The following NPAS3 variants were observed in gnomAD, a reference collection of about 807,000 sequenced individuals.
NPAS3 encodes the protein neuronal PAS domain protein 3.
A neutral mutation model predicts 73.1 loss-of-function variants in NPAS3; 14 were observed. The observed-to-expected ratio is 0.19, with a 90% CI of 0.13 to 0.30. The LOEUF is 0.30. Ranked by LOEUF, NPAS3 falls within the 10% of genes least tolerant of loss-of-function variation. The pLI, the probability that NPAS3 is intolerant of heterozygous loss-of-function variation, is 1.00. For missense variants in NPAS3, 1,096 were observed against 1,250.0 expected (o/e 0.88, Z 1.86); for synonymous variants, 620 against 541.5 (o/e 1.14, Z -2.01).
At chr14:33,114,810 G>A (rs1249779216) in intron 2 of NPAS3, among the ~76,000 whole-genome samples, 2 of 152,150 alleles carry the variant, frequency 1.3e-5, no homozygotes, top group Admixed American at 6.5e-5. Context: ...AGCTTCTAAT[G>A]TAAAAGAAGT....
intron 2 of NPAS3, among the ~76,000 whole-genome samples, chr14:33,147,576 C>T: frequency 6.8e-6 from 1 of 146,608 alleles, no homozygotes; most frequent in Admixed American, 6.9e-5. Flanking sequence ...CACACCGGGG[C>T]CTGTTGTGGG....
chr14:33,234,717 G>A (rs985298359), intron 3 of NPAS3, among the ~76,000 whole-genome samples: 2 of 151,952 alleles, frequency 1.3e-5, no homozygotes, highest in African/African-American at 4.8e-5. Flanking sequence ...TAATTTTTTT[G>A]TTTTGGGTTT....
chr14:33,074,447 TGCTCTGTCACCCAG>T (rs1298789999), intron 2 of NPAS3, among the ~76,000 whole-genome samples: 5 of 152,148 alleles, frequency 3.3e-5, no homozygotes, highest in African/African-American at 1.2e-4. Flanking sequence ...GACGGAGTCT[TGCTCTGTCACCCAG>T]GCTGGAGGGC....
chr14:33,635,906 T>G (rs1030525146), intron 5 of NPAS3, among the ~76,000 whole-genome samples: 1 of 152,250 alleles, frequency 6.6e-6, no homozygotes, highest in Non-Finnish European at 1.5e-5. Context: ...CTCTGTGGCA[T>G]GTCCACATGT....
chr14:33,781,170 C>T (rs373898614), intron 9 of NPAS3, among the ~76,000 whole-genome samples: 1 of 152,262 alleles, frequency 6.6e-6, no homozygotes, highest in East Asian at 1.9e-4. Flanking sequence ...AAGTTTGATC[C>T]TAATCAGATT....
intron 6 of NPAS3, among the ~76,000 whole-genome samples, chr14:33,698,871 T>C (rs1471721951): frequency 6.6e-6 from 1 of 152,198 alleles, no homozygotes; most frequent in East Asian, 1.9e-4. Context: ...CATGCTGCCA[T>C]TTAAAAGAAT....
intron 9 of NPAS3, among the ~76,000 whole-genome samples, chr14:33,788,711 T>A (rs2063254924): frequency 6.6e-6 from 1 of 152,186 alleles, no homozygotes; most frequent in South Asian, 2.1e-4. Context: ...ATTATGTTCC[T>A]GCCACAGACA....
chr14:32,941,503 A>C (rs914917951), intron 1 of NPAS3, among the ~76,000 whole-genome samples: 1 of 151,404 alleles, frequency 6.6e-6, no homozygotes, highest in African/African-American at 2.4e-5. Flanking sequence ...TAGCCTGTGC[A>C]TGAGTGCGTT....
chr14:33,653,062 G>T (rs1258732098), intron 5 of NPAS3, among the ~76,000 whole-genome samples: 2 of 152,164 alleles, frequency 1.3e-5, no homozygotes, highest in African/African-American at 4.8e-5. Flanking sequence ...ACTTGCCCTT[G>T]GCATATTTTT....
At chr14:33,776,172 C>G (rs973889370) in intron 8 of NPAS3, among the ~76,000 whole-genome samples, 1 of 152,096 alleles carries the variant, frequency 6.6e-6, no homozygotes, top group African/African-American at 2.4e-5. Flanking sequence ...CAAGTTACAG[C>G]CCACAAAGCT....
At chr14:33,066,610 C>T (rs551413814) in intron 2 of NPAS3, among the ~76,000 whole-genome samples, 1 of 152,212 alleles carries the variant, frequency 6.6e-6, no homozygotes, top group East Asian at 1.9e-4. Flanking sequence ...TGGGTCTGTT[C>T]AGGAGAAATT....
intron 5 of NPAS3, among the ~76,000 whole-genome samples, chr14:33,648,029 C>G (rs191526208): frequency 6.6e-6 from 1 of 152,254 alleles, no homozygotes; most frequent in East Asian, 1.9e-4. Context: ...TTTAACCTCC[C>G]CTGCTACCCT....
intron 5 of NPAS3, among the ~76,000 whole-genome samples, chr14:33,654,620 T>A (rs547706673): frequency 3.9e-5 from 6 of 152,340 alleles, no homozygotes; most frequent in African/African-American, 1.2e-4. Context: ...TTTGTCTTTA[T>A]TGTTAAGTTT....
intron 2 of NPAS3, among the ~76,000 whole-genome samples, chr14:33,087,444 A>T (rs1457608156): frequency 6.6e-6 from 1 of 151,956 alleles, no homozygotes; most frequent in Non-Finnish European, 1.5e-5. Context: ...ACTTCTGTGC[A>T]AATGATACCA....
chr14:33,009,957 A>G (rs931506532), intron 1 of NPAS3, among the ~76,000 whole-genome samples: 2 of 152,346 alleles, frequency 1.3e-5, no homozygotes, highest in East Asian at 3.9e-4. Flanking sequence ...GTAATCTTCA[A>G]GATTCATTGC....
At chr14:33,098,552 G>T (rs968547422) in intron 2 of NPAS3, among the ~76,000 whole-genome samples, 1 of 152,078 alleles carries the variant, frequency 6.6e-6, no homozygotes, top group African/African-American at 2.4e-5. Flanking sequence ...CTGGTAAAGT[G>T]GGAAAACATG....
chr14:32,976,557 A>C (rs1210427169), intron 1 of NPAS3, among the ~76,000 whole-genome samples: 1 of 152,152 alleles, frequency 6.6e-6, no homozygotes, highest in Non-Finnish European at 1.5e-5. Context: ...ATGATCAAAG[A>C]AGTTTGGAGG....
At chr14:33,799,059 C>A (rs908890197) in intron 11 of NPAS3, among the ~76,000 whole-genome samples, 21 of 151,406 alleles carry the variant, frequency 1.4e-4, no homozygotes, top group Admixed American at 6.6e-5. Flanking sequence ...GCAGAAGGAT[C>A]GTTTGAGCCG....
intron 2 of NPAS3, among the ~76,000 whole-genome samples, chr14:33,109,744 TTA>T (rs1330797780): frequency 6.6e-6 from 1 of 151,918 alleles, no homozygotes; most frequent in Non-Finnish European, 1.5e-5. Context: ...GCAATACTGT[TTA>T]TGTTTTTCAT....
Sources: allele counts gnomAD v4.1 joint callset (sites outside exome capture counted in the v4.1 genomes callset), GRCh38; gene constraint gnomAD v4.1.1; transcripts MANE v1.5; gene names NCBI Gene and HGNC (gene_info 2026-07-23, HGNC 2026-07-21).